Variants in ASTN2 observed in about 807,000 individuals in gnomAD.
ASTN2 encodes astrotactin 2.
Under a neutral mutation model 139.8 loss-of-function variants are expected in ASTN2, and 54 were observed. The observed-to-expected ratio is 0.39, with a 90% CI of 0.31 to 0.48. ASTN2 has a LOEUF of 0.48. ASTN2 is among the 20% of genes least tolerant of loss of function. The pLI is 0.95. For synonymous variants in ASTN2, 756 were observed against 719.5 expected, an observed-to-expected ratio of 1.05 and a Z score of -0.81; for missense variants, 1,565 against 1,725.1, an observed-to-expected ratio of 0.91 and a Z score of 1.64.
At chr9:117,005,759 G>GTC (rs929248224) in intron 7 of ASTN2, among the ~76,000 whole-genome samples, 45 of 148,944 alleles carry the variant, frequency 3.0e-4, no homozygotes, top group Non-Finnish European at 5.5e-4. Flanking sequence ...CTCTCTCTCT[G>GTC]TCTCTCTCTC....
At chr9:116,911,180 T>C (rs2132420860) in intron 10 of ASTN2, among the ~76,000 whole-genome samples, 1 of 152,346 alleles carries the variant, frequency 6.6e-6, no homozygotes, top group South Asian at 2.1e-4. Flanking sequence ...ATAATGATCC[T>C]GATGGCTAAG....
chr9:116,539,709 G>A (rs1018347879), intron 19 of ASTN2, among the ~76,000 whole-genome samples: 2 of 152,164 alleles, frequency 1.3e-5, no homozygotes. Flanking sequence ...GCTGGACAAA[G>A]GAATGCTTCA....
chr9:117,127,957 G>A (rs1277686747), intron 4 of ASTN2, among the ~76,000 whole-genome samples: 1 of 152,058 alleles, frequency 6.6e-6, no homozygotes, highest in Non-Finnish European at 1.5e-5. Flanking sequence ...TGGGATTACA[G>A]GCGTGAGCCA....
At position 117,409,023 on chromosome 9, in the gene ASTN2, T is replaced by C. The variant is rs112679688; in HGVS notation, c.442+5474A>G. Among the ~76,000 whole-genome samples the C allele has an allele frequency of 5.5e-3, 844 of 152,238 alleles. 8 individuals are homozygous for C. Among genetic ancestry groups the C allele is most frequent in the African/African-American group, 0.019 (797 of 41,542 alleles). On this transcript the variant is annotated intron_variant, in intron 1 of 22. Transcript: ENST00000313400. ...TATAATGTCCCAGAAACCTAGACCA[T>C]CACACCAAGATGGGAACTTGAAGTT...
intron 13 of ASTN2, among the ~76,000 whole-genome samples, chr9:116,738,346 C>T (rs958097904): frequency 2.0e-5 from 3 of 150,888 alleles, no homozygotes; most frequent in Non-Finnish European, 4.4e-5. Flanking sequence ...ACTAAAAATA[C>T]ACAAATTAGC....
At chr9:116,767,051 C>G (rs1287227151) in intron 13 of ASTN2, among the ~76,000 whole-genome samples, 1 of 152,032 alleles carries the variant, frequency 6.6e-6, no homozygotes, top group East Asian at 1.9e-4. Flanking sequence ...TACTCACATA[C>G]TTAAAACAGT....
At chr9:117,258,291 G>A (rs893777202) in intron 2 of ASTN2, among the ~76,000 whole-genome samples, 7 of 152,246 alleles carry the variant, frequency 4.6e-5, no homozygotes, top group East Asian at 1.9e-4. Flanking sequence ...GAGTCTCTGC[G>A]GGCATTAATG....
At chr9:117,208,757 C>G (rs549775945) in intron 3 of ASTN2, among the ~76,000 whole-genome samples, 28 of 152,178 alleles carry the variant, frequency 1.8e-4, no homozygotes, top group Non-Finnish European at 3.8e-4. Context: ...AGTCAGGTCA[C>G]ATAAAAGGGA....
At chr9:116,890,732 G>A (rs1317413395) in intron 10 of ASTN2, among the ~76,000 whole-genome samples, 1 of 152,088 alleles carries the variant, frequency 6.6e-6, no homozygotes. Context: ...GCTCCCCAGG[G>A]TGGAAAGAAG....
At chr9:116,552,864 G>A (rs1171627174) in intron 19 of ASTN2, among the ~76,000 whole-genome samples, 2 of 152,234 alleles carry the variant, frequency 1.3e-5, no homozygotes, top group African/African-American at 4.8e-5. Flanking sequence ...CTGCAGGGCA[G>A]TCAAGGGCTT....
chr9:116,438,855 C>T (rs926677412), intron 22 of ASTN2, among the ~76,000 whole-genome samples: 9 of 152,092 alleles, frequency 5.9e-5, no homozygotes, highest in Non-Finnish European at 1.0e-4. Context: ...GAGGCTGAGG[C>T]AGGAGAATCG....
chr9:116,574,994 T>C (rs1419034489), intron 19 of ASTN2, among the ~76,000 whole-genome samples: 1 of 152,214 alleles, frequency 6.6e-6, no homozygotes, highest in Non-Finnish European at 1.5e-5. Context: ...ACATTTGTCT[T>C]GGTGTCTCTT....
At chr9:116,539,633 C>T (rs1037985909) in intron 19 of ASTN2, among the ~76,000 whole-genome samples, 4 of 152,056 alleles carry the variant, frequency 2.6e-5, no homozygotes, top group African/African-American at 9.7e-5. Context: ...TGGTACCAAC[C>T]CTATATATAC....
chr9:116,927,498 T>C (rs943047645), intron 10 of ASTN2, among the ~76,000 whole-genome samples: 2 of 152,246 alleles, frequency 1.3e-5, no homozygotes, highest in South Asian at 2.1e-4. Context: ...AACTCCCTTA[T>C]GTAACAACAC....
chr9:117,096,363 G>A (rs1828841035), intron 4 of ASTN2, among the ~76,000 whole-genome samples: 1 of 152,168 alleles, frequency 6.6e-6, no homozygotes. Context: ...TCTGAGCTGT[G>A]TGACCTTGAA....
intron 2 of ASTN2, among the ~76,000 whole-genome samples, chr9:117,289,853 G>C (rs1175108558): frequency 6.6e-6 from 1 of 152,188 alleles, no homozygotes; most frequent in Non-Finnish European, 1.5e-5. Flanking sequence ...GCCTTGATTT[G>C]TTCCTCCACG....
chr9:116,520,039 A>G (rs1850802876), intron 19 of ASTN2, among the ~76,000 whole-genome samples: 1 of 152,152 alleles, frequency 6.6e-6, no homozygotes, highest in East Asian at 1.9e-4. Context: ...GAAATAGTCC[A>G]GGACCAGAAA....
At chr9:117,368,265 G>A (rs1011608018) in intron 1 of ASTN2, among the ~76,000 whole-genome samples, 1 of 151,968 alleles carries the variant, frequency 6.6e-6, no homozygotes. Flanking sequence ...ACCAGTGGGT[G>A]TGCATGCACA....
intron 5 of ASTN2, among the ~76,000 whole-genome samples, chr9:117,051,464 GTC>G (rs777190467): frequency 6.6e-6 from 1 of 152,108 alleles, no homozygotes; most frequent in South Asian, 2.1e-4. Flanking sequence ...TTACTATGTA[GTC>G]TCTCTTCCCT....
Sources: allele counts gnomAD v4.1 joint callset (sites outside exome capture counted in the v4.1 genomes callset), GRCh38; gene constraint gnomAD v4.1.1; transcripts MANE v1.5; gene names NCBI Gene and HGNC (gene_info 2026-07-23, HGNC 2026-07-21).